PDZD2: variants seen among roughly 807,000 people sequenced by gnomAD.
PDZD2 encodes PDZ domain-containing protein 2.
Under a neutral mutation model 220.7 loss-of-function variants are expected in PDZD2, and 90 were observed. The ratio of observed to expected loss-of-function variants is 0.41; its 90% CI spans 0.34 to 0.49. The LOEUF (loss-of-function observed/expected upper bound fraction) is 0.49, where lower values mean the gene tolerates loss of function less well. PDZD2 is among the 20% of genes least tolerant of loss of function. The probability of loss-of-function intolerance (pLI) is 0.28; values close to 1 mark genes in which losing one functional copy is unlikely to be tolerated. For synonymous variants in PDZD2, 1,375 were observed against 1,450.5 expected (o/e 0.95, Z 1.18); for missense variants, 3,174 against 3,608.5 (o/e 0.88, Z 3.08).
chr5:31,650,392 C>T (rs532542292), intron 1 of PDZD2, among the ~76,000 whole-genome samples: 3 of 152,292 alleles, frequency 2.0e-5, no homozygotes, highest in African/African-American at 7.2e-5. Flanking sequence ...TTCCCAACCA[C>T]GATTCCATAC....
intron 1 of PDZD2, among the ~76,000 whole-genome samples, chr5:31,764,146 C>G (rs977879809): frequency 2.0e-5 from 3 of 152,206 alleles, no homozygotes; most frequent in Non-Finnish European, 4.4e-5. Context: ...TCCATCCACA[C>G]TCATTCCCTT....
intron 2 of PDZD2, among the ~76,000 whole-genome samples, chr5:31,931,085 C>T (rs35716764): frequency 6.6e-6 from 1 of 152,052 alleles, no homozygotes; most frequent in Admixed American, 6.5e-5. Flanking sequence ...TATAGTGGCG[C>T]GATCTCAGCT....
At chr5:31,964,096 C>A (rs1381494603) in intron 2 of PDZD2, among the ~76,000 whole-genome samples, 1 of 152,230 alleles carries the variant, frequency 6.6e-6, no homozygotes, top group East Asian at 1.9e-4. Context: ...CCTTTTGTCC[C>A]ACTCCTACCA....
chr5:31,719,088 A>G (rs1748628116), intron 1 of PDZD2, among the ~76,000 whole-genome samples: 2 of 152,196 alleles, frequency 1.3e-5, no homozygotes, highest in Admixed American at 6.5e-5. Context: ...TAGTTTCAAC[A>G]TATGAATTTG....
intron 6 of PDZD2, among the ~76,000 whole-genome samples, chr5:32,025,177 C>G (rs532541621): frequency 2.0e-5 from 3 of 152,310 alleles, no homozygotes; most frequent in African/African-American, 7.2e-5. Context: ...CAGCAAGGAG[C>G]TCATATTGAT....
At chr5:31,881,736 GAT>G in intron 2 of PDZD2, among the ~76,000 whole-genome samples, 1 of 148,828 alleles carries the variant, frequency 6.7e-6, no homozygotes, top group Non-Finnish European at 1.5e-5. Context: ...TTTTTTTTGA[GAT>G]GGTGTCTCAC....
At chr5:32,107,270 T>C (rs1744855754) in intron 24 of PDZD2, 2 of 152,188 alleles carry the variant, frequency 1.3e-5, no homozygotes. Flanking sequence ...TGTAAGTAAG[T>C]AGTCCCCATG....
intron 2 of PDZD2, among the ~76,000 whole-genome samples, chr5:31,929,663 AAC>A (rs1485352952): frequency 6.6e-6 from 1 of 152,208 alleles, no homozygotes; most frequent in East Asian, 1.9e-4. Context: ...CAGCCTGGCC[AAC>A]ACAGTGAAAC....
At chr5:31,775,336 G>GGAAA (rs560260320) in intron 1 of PDZD2, among the ~76,000 whole-genome samples, 1 of 139,160 alleles carries the variant, frequency 7.2e-6, no homozygotes, top group African/African-American at 2.6e-5. Context: ...AGATGTAATT[G>GGAAA]AAAAAAAAAA....
At chr5:31,649,543 C>T (rs1049726881) in intron 1 of PDZD2, among the ~76,000 whole-genome samples, 4 of 152,142 alleles carry the variant, frequency 2.6e-5, no homozygotes, top group African/African-American at 9.6e-5. Flanking sequence ...TTGGATCATA[C>T]GCTCCATTAA....
At chr5:31,938,725 T>C (rs1402805521) in intron 2 of PDZD2, among the ~76,000 whole-genome samples, 1 of 152,226 alleles carries the variant, frequency 6.6e-6, no homozygotes, top group Non-Finnish European at 1.5e-5. Context: ...TTTTCTCATA[T>C]TTAGAACAAT....
At chr5:31,745,848 G>C (rs891254006) in intron 1 of PDZD2, among the ~76,000 whole-genome samples, 8 of 150,434 alleles carry the variant, frequency 5.3e-5, no homozygotes, top group Admixed American at 2.0e-4. Context: ...GAAATAATGG[G>C]TCTGTTCTAG....
chr5:31,690,173 T>C (rs12658989), intron 1 of PDZD2, among the ~76,000 whole-genome samples: 28,744 of 151,938 alleles, frequency 0.19, 2,972 homozygotes, highest in East Asian at 0.31. Flanking sequence ...TGCTTTTTGG[T>C]CTTCTACTTG....
chr5:31,870,286 C>G (rs1738668053), intron 2 of PDZD2, among the ~76,000 whole-genome samples: 1 of 152,150 alleles, frequency 6.6e-6, no homozygotes, highest in Non-Finnish European at 1.5e-5. Flanking sequence ...TCCACCCCGG[C>G]CCCTGCAAAA....
At chr5:31,886,964 G>A (rs1402175425) in intron 2 of PDZD2, among the ~76,000 whole-genome samples, 1 of 152,182 alleles carries the variant, frequency 6.6e-6, no homozygotes, top group Non-Finnish European at 1.5e-5. Context: ...CTCCTGAAGT[G>A]CTGGAATTGT....
chr5:31,728,002 CAAA>C (rs11386922), intron 1 of PDZD2, among the ~76,000 whole-genome samples: 4 of 110,656 alleles, frequency 3.6e-5, no homozygotes, highest in African/African-American at 3.6e-5. Context: ...GACTCTGTCT[CAAA>C]AAAAAAAAAA....
chr5:32,103,913 C>T (rs1017009883), intron 24 of PDZD2: 2 of 152,306 alleles, frequency 1.3e-5, no homozygotes, highest in Non-Finnish European at 2.9e-5. Flanking sequence ...AACTTCTCAG[C>T]CTTTGTCTCT....
At chr5:32,064,187 T>G (rs1007739779) in intron 14 of PDZD2, among the ~76,000 whole-genome samples, 2 of 152,182 alleles carry the variant, frequency 1.3e-5, no homozygotes, top group Non-Finnish European at 2.9e-5. Flanking sequence ...CCCAATTTTT[T>G]TTTGTTTGTT....
Position 31,851,224 on chromosome 5 carries a change from C to T in PDZD2, c.476+51500C>T, listed in dbSNP as rs574318658. On this transcript the variant is annotated intron_variant, in intron 2 of 24. Coordinates refer to ENST00000438447, the MANE Select transcript of PDZD2 (RefSeq NM_178140.4). Reference sequence around the variant, plus strand: ...AGAGGCATCAGATTGGACATACCCCCACCCCCCACAACCCACCAGTAAGAG... The same window carrying T: ...AGAGGCATCAGATTGGACATACCCCTACCCCCCACAACCCACCAGTAAGAG... Among the ~76,000 whole-genome samples, 5 of 152,256 alleles carry T rather than the reference C, an allele frequency of 3.3e-5. No individual in the cohort carries two copies. In the East Asian group the frequency reaches 9.6e-4, roughly 29 times the overall value.
Sources: allele counts gnomAD v4.1 joint callset (sites outside exome capture counted in the v4.1 genomes callset), GRCh38; gene constraint gnomAD v4.1.1; transcripts MANE v1.5; gene names NCBI Gene and HGNC (gene_info 2026-07-23, HGNC 2026-07-21).